RAI1: variants seen among roughly 807,000 people sequenced by gnomAD.
RAI1 encodes retinoic acid induced 1.
A neutral mutation model predicts 123.8 loss-of-function variants in RAI1; 9 were observed. The observed-to-expected ratio is 0.07, with a 90% confidence interval of 0.04 to 0.13. The LOEUF (loss-of-function observed/expected upper bound fraction) is 0.13, where lower values mean the gene tolerates loss of function less well. RAI1 is among the 10% of genes least tolerant of loss of function. The pLI, the probability that RAI1 is intolerant of heterozygous loss-of-function variation, is 1.00. For synonymous variants in RAI1, 1,231 were observed against 1,127.3 expected (o/e 1.09, Z -1.84); for missense variants, 2,256 against 2,545.8 (o/e 0.89, Z 2.45).
intron 1 of RAI1, among the ~76,000 whole-genome samples, chr17:17,719,326 T>A (rs1915805193): frequency 1.3e-5 from 2 of 152,188 alleles, no homozygotes; most frequent in Admixed American, 1.3e-4. Flanking sequence ...CATCTCTTTC[T>A]GCTCACTCCC....
chr17:17,722,116 G>T (rs1915899630), intron 1 of RAI1, among the ~76,000 whole-genome samples: 1 of 152,180 alleles, frequency 6.6e-6, no homozygotes, highest in African/African-American at 2.4e-5. Context: ...AGGCCGAGGA[G>T]AATGAGACAG....
At chr17:17,768,984 C>T (rs1010079341) in intron 2 of RAI1, among the ~76,000 whole-genome samples, 7 of 152,106 alleles carry the variant, frequency 4.6e-5, no homozygotes, top group East Asian at 1.9e-4. Flanking sequence ...CAGATGAAGC[C>T]GTGGCAAAGG....
Position 17,793,692 on chromosome 17 carries a change from C to G in RAI1, c.744C>G (p.Asp248Glu). 3 of 1,613,132 alleles carry G rather than the reference C, an allele frequency of 1.9e-6. No individual in the cohort carries two copies. Among genetic ancestry groups the G allele is most frequent in the Admixed American group, 1.7e-5 (1 of 60,034 alleles). Residue 248 changes from aspartate to glutamate, a missense_variant, in exon 3 of 6, where the codon GAC becomes GAG. Around this residue, in one of 7 missense-constraint regions of RAI1, gnomAD observed 336 missense variants for 349.8 expected, o/e 0.96. Coordinates refer to ENST00000353383, the MANE Select transcript of RAI1 (RefSeq NM_030665.4). ...SCTAPTAQPH[D>E]RPLTASSSLA... ...CAGCACCGACTGCCCAGCCCCATGA[C>G]AGGCCGCTGACTGCCAGCTCCAGCC...
chr17:17,751,835 C>T (rs1156560652), intron 2 of RAI1, among the ~76,000 whole-genome samples: 1 of 152,214 alleles, frequency 6.6e-6, no homozygotes, highest in Non-Finnish European at 1.5e-5. Flanking sequence ...AATGTTTCCC[C>T]CAGAGCACTC....
intron 1 of RAI1, among the ~76,000 whole-genome samples, chr17:17,722,802 TAGGGG>T (rs1264461300): frequency 1.3e-5 from 2 of 151,868 alleles, no homozygotes; most frequent in African/African-American, 4.9e-5. Flanking sequence ...CTGATGCGGC[TAGGGG>T]AGGCGCGCGA....
At chr17:17,750,172 T>C (rs2030098602) in intron 2 of RAI1, among the ~76,000 whole-genome samples, 1 of 152,240 alleles carries the variant, frequency 6.6e-6, no homozygotes, top group African/African-American at 2.4e-5. Flanking sequence ...CTGGGAAATG[T>C]AGTCCAGCTG....
Position 17,686,606 on chromosome 17 carries a change from T to TGCGCGC in RAI1, c.-149+4814_-149+4815insCGCGCG, listed in dbSNP as rs1433996407. On this transcript the variant is annotated intron_variant, in intron 1 of 5. Transcript: ENST00000353383. ...GTGTGTGTGTGTGTGTGTGTGTGTG[T>TGCGCGC]GTGCACGCGCGCGCCGGGGAGGGGA... 1.6e-3 allele frequency among the ~76,000 whole-genome samples: 217 copies of TGCGCGC among 137,356 alleles called. 2 individuals are homozygous for TGCGCGC. The highest frequency in any genetic ancestry group is 5.0e-3 in the Admixed American group (66 of 13,174). 90.1% of individuals were successfully genotyped at this position (137,356 alleles called of 152,430 possible).
intron 1 of RAI1, among the ~76,000 whole-genome samples, chr17:17,709,835 A>G (rs1404057919): frequency 6.6e-6 from 1 of 152,178 alleles, no homozygotes; most frequent in Non-Finnish European, 1.5e-5. Context: ...CCTGTTTTTC[A>G]TGGAGCCAGA....
chr17:17,745,401 G>A (rs73295656), intron 2 of RAI1, among the ~76,000 whole-genome samples: 3,858 of 150,758 alleles, frequency 0.026, 184 homozygotes, highest in African/African-American at 0.09. Context: ...GCCATTGAAG[G>A]CTTTTGTGTG....
chr17:17,764,892 CTCT>C (rs1342250655), intron 2 of RAI1, among the ~76,000 whole-genome samples: 11 of 152,266 alleles, frequency 7.2e-5, no homozygotes, highest in Non-Finnish European at 1.5e-4. Context: ...GCCTGGCCTC[CTCT>C]TCTTTTACTA....
At chr17:17,726,878 T>A (rs1916107651) in intron 2 of RAI1, among the ~76,000 whole-genome samples, 1 of 152,230 alleles carries the variant, frequency 6.6e-6, no homozygotes, top group African/African-American at 2.4e-5. Flanking sequence ...CAGATGTATA[T>A]CCTGCTTGCT....
chr17:17,706,022 C>CAAAAA (rs1197967787), intron 1 of RAI1, among the ~76,000 whole-genome samples: 72 of 37,358 alleles, frequency 1.9e-3, no homozygotes, highest in African/African-American at 6.2e-3. Flanking sequence ...GACTCTGTCT[C>CAAAAA]AAAAAAAAAA....
Position 17,809,966 on chromosome 17 carries a change from G to A in RAI1, c.5710-4G>A, listed in dbSNP as rs1434723967. On this transcript the variant is annotated splice_polypyrimidine_tract_variant and splice_region_variant and intron_variant, in intron 5 of 5. Coordinates refer to ENST00000353383, the MANE Select transcript of RAI1 (RefSeq NM_030665.4). This position sits in a 1 kb window ranked among gnomAD's most constrained non-coding sequence, Gnocchi z 4.9. ...GGTAACTGGCGGGCGGGCGTCTTTT[G>A]CAGAGGCTGCCGTAGTAATCCACCC... 1 of 1,554,956 alleles carries A rather than the reference G, an allele frequency of 6.4e-7. No individual in the cohort carries two copies. Among genetic ancestry groups the A allele is most frequent in the East Asian group, 2.4e-5 (1 of 41,388 alleles).
intron 2 of RAI1, among the ~76,000 whole-genome samples, chr17:17,772,620 A>T (rs747640379): frequency 3.0e-4 from 45 of 150,054 alleles, no homozygotes; most frequent in African/African-American, 4.2e-4. Flanking sequence ...ACTATCTCTC[A>T]CTCTCTCCTG....
chr17:17,798,109 G>A lies in RAI1; in HGVS notation c.5161G>A (p.Glu1721Lys). 2.5e-6 allele frequency: 4 copies of A among 1,613,946 alleles called. No homozygotes were observed. The highest frequency in any genetic ancestry group is 3.4e-6 in the Non-Finnish European group (4 of 1,180,038). ...CCCCAAAAAGAAGCCAAAACTCAAG[G>A]AGAAGGTGCGGCCAGAAGGCACCTG... ...CLPKKKPKLK[E>K]KVRPEGTCEE... Residue 1721 changes from glutamate (E) to lysine (K), a missense_variant, in exon 3 of 6, where the codon GAG becomes AAG. Physicochemically the swap from Glu to Lys is moderately conservative, Grantham distance 56. This residue lies in a region of RAI1 where 243 missense variants were observed against 316.6 expected (regional missense o/e 0.77). Transcript: ENST00000353383.
At chr17:17,802,504 C>T (rs904004144) in intron 3 of RAI1, among the ~76,000 whole-genome samples, 1 of 152,180 alleles carries the variant, frequency 6.6e-6, no homozygotes, top group Admixed American at 6.5e-5. Flanking sequence ...CGGCCAGGCG[C>T]GGTGGCTCAC....
At chr17:17,703,726 G>T (rs543941795) in intron 1 of RAI1, among the ~76,000 whole-genome samples, 10 of 152,250 alleles carry the variant, frequency 6.6e-5, no homozygotes, top group Admixed American at 5.9e-4. Flanking sequence ...CTGTAGCCTC[G>T]ATCTCCTGAG....
Position 17,801,945 on chromosome 17 carries a change from A to G in RAI1, c.5566-1811A>G, listed in dbSNP as rs186387595. On this transcript the variant is annotated intron_variant, in intron 3 of 5. Transcript: ENST00000353383. This position sits in a 1 kb window ranked among gnomAD's most constrained non-coding sequence, Gnocchi z 4.1. ...TGAGGCTTCCAGCCATGCCTGGCAC[A>G]TAGGAAGCTATTGTCGTTTGTTTCA... 4.4e-5 allele frequency: 18 copies of G among 407,962 alleles called. No homozygotes were observed. In the East Asian group the frequency reaches 1.3e-3, roughly 29 times the overall value. The allele number at this position is 407,962 out of a possible 1,614,324, so 25.3% of individuals were successfully genotyped here. A position where few individuals can be genotyped will look rare whatever the true frequency, so the allele number is the denominator to read the frequency against.
chr17:17,704,398 G>C (rs573697160), intron 1 of RAI1, among the ~76,000 whole-genome samples: 1 of 152,334 alleles, frequency 6.6e-6, no homozygotes, highest in East Asian at 1.9e-4. Flanking sequence ...ATGGCAGTGT[G>C]AGGGGGCTCT....
Sources: allele counts gnomAD v4.1 joint callset (sites outside exome capture counted in the v4.1 genomes callset), GRCh38; gene constraint gnomAD v4.1.1; regional missense constraint gnomAD v4.1.1; non-coding constraint Gnocchi (gnomAD v3.1); transcripts MANE v1.5; gene names NCBI Gene and HGNC (gene_info 2026-07-23, HGNC 2026-07-21).